Variants in SDK2 observed in about 807,000 individuals in gnomAD.
SDK2 encodes protein sidekick-2.
A neutral mutation model predicts 253.9 loss-of-function variants in SDK2; 105 were observed. The observed-to-expected ratio is 0.41, with a 90% CI of 0.35 to 0.49. The LOEUF (loss-of-function observed/expected upper bound fraction) is 0.49, where lower values mean the gene tolerates loss of function less well. Among genes scored for constraint, SDK2 ranks in the 20% least tolerant of loss-of-function variants. The probability of loss-of-function intolerance (pLI) is 0.06; values close to 1 mark genes in which losing one functional copy is unlikely to be tolerated. For missense variants in SDK2, 2,608 were observed against 3,003.0 expected (o/e 0.87, Z 3.07); for synonymous variants, 1,249 against 1,234.9 (o/e 1.01, Z -0.24).
intron 1 of SDK2, among the ~76,000 whole-genome samples, chr17:73,551,315 G>C (rs1336782341): frequency 6.6e-6 from 1 of 152,176 alleles, no homozygotes; most frequent in Non-Finnish European, 1.5e-5. Context: ...ACGTTGCATG[G>C]CCAGAGACCT....
chr17:73,527,061 C>T (rs1223544861), intron 1 of SDK2, among the ~76,000 whole-genome samples: 5 of 152,188 alleles, frequency 3.3e-5, no homozygotes, highest in Non-Finnish European at 7.3e-5. Flanking sequence ...GAGGCATCAC[C>T]GGGCATGGGC....
At chr17:73,414,297 G>A (rs1019495837) in intron 18 of SDK2, among the ~76,000 whole-genome samples, 7 of 151,990 alleles carry the variant, frequency 4.6e-5, no homozygotes, top group South Asian at 2.1e-4. Context: ...TGAGCTGCCC[G>A]CCTCAGCCTC....
intron 3 of SDK2, among the ~76,000 whole-genome samples, chr17:73,457,284 T>C (rs867670251): frequency 6.6e-5 from 2 of 30,522 alleles, no homozygotes; most frequent in African/African-American, 2.0e-4. Context: ...CCTTCCTTCC[T>C]TCCCCCCTCC....
At chr17:73,503,362 G>A (rs763355299) in intron 2 of SDK2, among the ~76,000 whole-genome samples, 25 of 152,170 alleles carry the variant, frequency 1.6e-4, no homozygotes, top group African/African-American at 5.3e-4. Flanking sequence ...ATGGTTCTGC[G>A]GGTAAATGCC....
intron 2 of SDK2, among the ~76,000 whole-genome samples, chr17:73,490,573 G>C (rs2145728154): frequency 7.0e-6 from 1 of 143,600 alleles, no homozygotes; most frequent in South Asian, 2.3e-4. Context: ...GGTCACCCAG[G>C]CTGGAGTGCA....
chr17:73,394,955 A>C (rs1295536776), intron 25 of SDK2, among the ~76,000 whole-genome samples, 200 bp downstream of exon 25: 6 of 152,210 alleles, frequency 3.9e-5, no homozygotes, highest in Admixed American at 3.9e-4. Flanking sequence ...GAATATGGGA[A>C]TAGCAGGCAC....
intron 1 of SDK2, among the ~76,000 whole-genome samples, chr17:73,530,357 A>T (rs184353113): frequency 1.2e-4 from 19 of 152,278 alleles, no homozygotes; most frequent in Admixed American, 1.2e-3. Context: ...TGCAGGGGAA[A>T]CTACCAAACA....
chr17:73,377,890 G>A (rs530541872), intron 36 of SDK2, among the ~76,000 whole-genome samples: 1 of 152,270 alleles, frequency 6.6e-6, no homozygotes, highest in Admixed American at 6.5e-5. Context: ...GGGATTACAG[G>A]TGTGAGCCAC....
chr17:73,394,386 G>A, intron 25 of SDK2, 62 bp from the exon 26 acceptor site: 1 of 1,153,134 alleles, frequency 8.7e-7, no homozygotes, highest in Non-Finnish European at 1.2e-6. Flanking sequence ...TGCAAGGGAA[G>A]TGGACCAGGA....
At chr17:73,385,804 T>C in intron 32 of SDK2, 43 bp downstream of exon 32, 1 of 1,542,588 alleles carries the variant, frequency 6.5e-7, no homozygotes, top group East Asian at 2.4e-5. Context: ...AGAGCAGAGC[T>C]CGTCTGGGTC....
chr17:73,494,387 C>T (rs1196134394), intron 2 of SDK2, among the ~76,000 whole-genome samples: 1 of 152,120 alleles, frequency 6.6e-6, no homozygotes, highest in African/African-American at 2.4e-5. Flanking sequence ...CCCTGCCTGC[C>T]CCCTGCACCG....
In SDK2 at chr17:73,570,716, C is replaced by A. The variant is rs564602002; in HGVS notation, c.65-63119G>T. 2.0e-5 allele frequency among the ~76,000 whole-genome samples: 3 copies of A among 152,314 alleles called. No homozygotes were observed. Among genetic ancestry groups the A allele is most frequent in the African/African-American group, 7.2e-5 (3 of 41,560 alleles). ...GAGAAGATCAAGTCCTTGCCCGTGG[C>A]AGAACTCATATCAAAGCCAGGTCAG... On this transcript the variant is annotated intron_variant, in intron 1 of 44. Coordinates refer to ENST00000392650, the MANE Select transcript of SDK2 (RefSeq NM_001144952.2). This position sits in a 1 kb window ranked among gnomAD's most constrained non-coding sequence, Gnocchi z 4.2.
At chr17:73,538,753 G>C (rs1018644301) in intron 1 of SDK2, among the ~76,000 whole-genome samples, 8 of 152,152 alleles carry the variant, frequency 5.3e-5, no homozygotes, top group Non-Finnish European at 8.8e-5. Flanking sequence ...CACATAAGCA[G>C]GCACCCAGTG....
At chr17:73,439,968 C>T (rs931224232) in intron 6 of SDK2, among the ~76,000 whole-genome samples, 5 of 152,048 alleles carry the variant, frequency 3.3e-5, no homozygotes, top group African/African-American at 9.7e-5. Context: ...ATGCAGGGCA[C>T]GGAAGGCACT....
chr17:73,416,040 G>A, intron 16 of SDK2, 48 bp from the exon 17 acceptor site: 2 of 1,540,550 alleles, frequency 1.3e-6, no homozygotes, highest in Non-Finnish European at 1.8e-6. Context: ...AGCTTCCTTG[G>A]CCTCGTACCC....
intron 1 of SDK2, among the ~76,000 whole-genome samples, chr17:73,638,429 C>T (rs1021482594): frequency 6.6e-6 from 1 of 152,036 alleles, no homozygotes; most frequent in Non-Finnish European, 1.5e-5. Context: ...GAAGATGCCA[C>T]GTTATAGGGT....
rs767611808 is a variant in SDK2, at chr17:73,390,425, C to A, written c.4054G>T (p.Val1352Leu). Reference protein sequence around the residue: ...TTTANTATVEVLAPSARQYTA... With the variant: ...TTTANTATVELLAPSARQYTA... ...TACTGCCGGGCGCTGGGTGCCAGCA[C>A]CTCCACAGTGGCGGTGTTGGCCGTG... The change falls in exon 29 of 45, where the codon GTG (valine) becomes TTG (leucine). Residue 1352 changes from valine (V) to leucine (L), a missense_variant. This residue lies in a region of SDK2 where 1,103 missense variants were observed against 1,143.9 expected (regional missense o/e 0.96). Transcript: ENST00000392650. The A allele has an allele frequency of 1.2e-5, 20 of 1,613,016 alleles. No homozygotes were observed. Among genetic ancestry groups the A allele is most frequent in the Non-Finnish European group, 1.7e-5 (20 of 1,179,626 alleles).
At chr17:73,495,419 C>T (rs1274599426) in intron 2 of SDK2, among the ~76,000 whole-genome samples, 9 of 152,328 alleles carry the variant, frequency 5.9e-5, no homozygotes, top group East Asian at 1.9e-4. Context: ...CCTTACATCA[C>T]GCATGACAGA....
At chr17:73,376,578 G>A (rs1382158413) in intron 36 of SDK2, among the ~76,000 whole-genome samples, 1 of 152,162 alleles carries the variant, frequency 6.6e-6, no homozygotes, top group African/African-American at 2.4e-5. Context: ...CACAGTTGCC[G>A]CTCAGGTACG....
Sources: allele counts gnomAD v4.1 joint callset (sites outside exome capture counted in the v4.1 genomes callset), GRCh38; gene constraint gnomAD v4.1.1; regional missense constraint gnomAD v4.1.1; non-coding constraint Gnocchi (gnomAD v3.1); transcripts MANE v1.5; gene names NCBI Gene and HGNC (gene_info 2026-07-23, HGNC 2026-07-21).